The following ADGB variants were observed in gnomAD, a reference collection of about 807,000 sequenced individuals.
ADGB encodes the protein androglobin, also known as calpain-7-like protein.
Under a neutral mutation model 210.5 loss-of-function variants are expected in ADGB, and 172 were observed. The observed-to-expected ratio is 0.82, with a 90% CI of 0.72 to 0.93. ADGB has a LOEUF of 0.93. ADGB is among the 40% of genes least tolerant of loss of function. The pLI, the probability that ADGB is intolerant of heterozygous loss-of-function variation, is 0.00. For missense variants in ADGB, 2,025 were observed against 1,964.8 expected (o/e 1.03, Z -0.58); for synonymous variants, 658 against 662.7 (o/e 0.99, Z 0.11).
At chr6:146,723,230 G>T (rs1776846402) in intron 17 of ADGB, among the ~76,000 whole-genome samples, 1 of 152,018 alleles carries the variant, frequency 6.6e-6, no homozygotes, top group African/African-American at 2.4e-5. Context: ...AATTCTATAG[G>T]CATGAAGGCA....
rs190786098 is a variant in ADGB, at chr6:146,779,609, G to A, written c.3863-2411G>A. Among the ~76,000 whole-genome samples, 265 of 152,138 alleles carry A rather than the reference G, an allele frequency of 1.7e-3. 5 individuals carry two copies. Among genetic ancestry groups the A allele is most frequent in the Admixed American group, 0.015 (227 of 15,274 alleles). Reference sequence around the variant, plus strand: ...CAAGTGATTCTCGGTAATATTAATAGCAAATTTTTACATCAACATCTAGGG... The same window carrying A: ...CAAGTGATTCTCGGTAATATTAATAACAAATTTTTACATCAACATCTAGGG... On this transcript the variant is annotated intron_variant, in intron 29 of 35. Transcript: ENST00000397944.
chr6:146,784,441 T>C (rs571200897), intron 30 of ADGB, among the ~76,000 whole-genome samples, 177 bp from the exon 31 acceptor site: 1 of 152,334 alleles, frequency 6.6e-6, no homozygotes, highest in East Asian at 1.9e-4. Context: ...ATGTTGGTTT[T>C]TTGTGTGTAT....
At chr6:146,754,165 A>G (rs1443291970) in intron 27 of ADGB, among the ~76,000 whole-genome samples, 1 of 151,254 alleles carries the variant, frequency 6.6e-6, no homozygotes, top group African/African-American at 2.4e-5. Flanking sequence ...AGTATTTCCA[A>G]TGTATCTGCA....
intron 9 of ADGB, among the ~76,000 whole-genome samples, 153 bp downstream of exon 9, chr6:146,676,594 G>A (rs529110886): frequency 3.3e-5 from 5 of 152,284 alleles, no homozygotes; most frequent in African/African-American, 9.6e-5. Flanking sequence ...ATGGGTGGGC[G>A]TGTTGGGCCA....
At chr6:146,779,463 T>C (rs901034355) in intron 29 of ADGB, among the ~76,000 whole-genome samples, 26 of 152,268 alleles carry the variant, frequency 1.7e-4, no homozygotes, top group Admixed American at 9.8e-4. Context: ...AACTGGCACA[T>C]TCAAGAAGTT....
intron 2 of ADGB, among the ~76,000 whole-genome samples, chr6:146,637,968 C>T (rs1336731867): frequency 1.3e-5 from 2 of 151,984 alleles, no homozygotes; most frequent in Non-Finnish European, 2.9e-5. Context: ...CATCGATGAA[C>T]ATCAATGCAA....
chr6:146,719,140 T>C (rs1776778145), intron 16 of ADGB, among the ~76,000 whole-genome samples: 2 of 151,962 alleles, frequency 1.3e-5, no homozygotes, highest in African/African-American at 4.8e-5. Flanking sequence ...ACTATTACCA[T>C]CATTTTACAT....
intron 29 of ADGB, among the ~76,000 whole-genome samples, chr6:146,781,187 A>T (rs901598606): frequency 6.8e-6 from 1 of 147,328 alleles, no homozygotes. Context: ...AAAAAAAAAA[A>T]AAAAAATTAG....
chr6:146,722,153 A>G (rs1041523706), intron 17 of ADGB, among the ~76,000 whole-genome samples: 1 of 152,108 alleles, frequency 6.6e-6, no homozygotes, highest in African/African-American at 2.4e-5. Context: ...CATTCCAACA[A>G]TCTTTTCCTC....
At chr6:146,641,805 A>T (rs558946589) in intron 2 of ADGB, among the ~76,000 whole-genome samples, 1 of 152,026 alleles carries the variant, frequency 6.6e-6, no homozygotes, top group Non-Finnish European at 1.5e-5. Context: ...AAAAACCCTG[A>T]AAAACAACCT....
intron 23 of ADGB, among the ~76,000 whole-genome samples, chr6:146,738,858 T>A (rs1285097218): frequency 1.3e-5 from 2 of 152,160 alleles, no homozygotes; most frequent in African/African-American, 4.8e-5. Context: ...GGGCCTATCA[T>A]AGGAAAATCT....
At chr6:146,691,496 A>ATTTTTTT (rs1228357224) in intron 11 of ADGB, among the ~76,000 whole-genome samples, 2 of 16,490 alleles carry the variant, frequency 1.2e-4, no homozygotes, top group African/African-American at 4.4e-4. Flanking sequence ...ATATATATAT[A>ATTTTTTT]TATATTTTTT....
intron 1 of ADGB, chr6:146,600,333 G>A (rs796477110): frequency 2.2e-5 from 6 of 269,230 alleles, no homozygotes; most frequent in African/African-American, 9.0e-5. Context: ...ATTCCTCTAG[G>A]TCCAAGGCCG....
At chr6:146,809,567 C>A (rs1312976851) in intron 35 of ADGB, among the ~76,000 whole-genome samples, 2 of 152,032 alleles carry the variant, frequency 1.3e-5, no homozygotes, top group Non-Finnish European at 2.9e-5. Context: ...TTCTCAAACT[C>A]CTGAGTTCAA....
intron 33 of ADGB, 118 bp from the exon 34 acceptor site, chr6:146,801,065 G>T: frequency 4.6e-6 from 2 of 438,318 alleles, no homozygotes; most frequent in Non-Finnish European, 7.9e-6. Flanking sequence ...GACAAGTCCG[G>T]TGAATGAAAA....
At chr6:146,708,229 A>G (rs993648090) in intron 13 of ADGB, among the ~76,000 whole-genome samples, 10 of 152,214 alleles carry the variant, frequency 6.6e-5, no homozygotes, top group Middle Eastern at 3.4e-3. Context: ...TTTAACCTTC[A>G]TACTAAAGAT....
chr6:146,780,745 C>T (rs1324995747), intron 29 of ADGB, among the ~76,000 whole-genome samples: 1 of 152,038 alleles, frequency 6.6e-6, no homozygotes, highest in East Asian at 1.9e-4. Flanking sequence ...CAACAATAAT[C>T]GTTGGAAACT....
chr6:146,664,377 A>T (rs1473694845), intron 6 of ADGB, 37 bp downstream of exon 6: 4 of 1,510,628 alleles, frequency 2.6e-6, no homozygotes, highest in Non-Finnish European at 3.5e-6. Flanking sequence ...GAATAAAAAA[A>T]GCAAACAAAA....
chr6:146,612,391 G>C (rs1780724882), intron 1 of ADGB, among the ~76,000 whole-genome samples: 1 of 152,026 alleles, frequency 6.6e-6, no homozygotes, highest in African/African-American at 2.4e-5. Flanking sequence ...TTCTCTCCCA[G>C]CTGTATACAC....
Sources: allele counts gnomAD v4.1 joint callset (sites outside exome capture counted in the v4.1 genomes callset), GRCh38; gene constraint gnomAD v4.1.1; transcripts MANE v1.5; gene names NCBI Gene and HGNC (gene_info 2026-07-23, HGNC 2026-07-21).